FRMD4A: variants seen among roughly 807,000 people sequenced by gnomAD.
FRMD4A encodes the protein FERM domain containing 4A.
A neutral mutation model predicts 129.1 loss-of-function variants in FRMD4A; 29 were observed. That is an observed-to-expected ratio of 0.22 (90% confidence interval 0.17 to 0.31). The LOEUF (loss-of-function observed/expected upper bound fraction) is 0.31. FRMD4A is among the 10% of genes least tolerant of loss of function. The pLI is 1.00. For synonymous variants in FRMD4A, 634 were observed against 571.6 expected, an observed-to-expected ratio of 1.11 and a Z score of -1.56; for missense variants, 1,272 against 1,375.8, an observed-to-expected ratio of 0.92 and a Z score of 1.19.
intron 21 of FRMD4A, among the ~76,000 whole-genome samples, chr10:13,658,619 G>C (rs1589237523): frequency 6.6e-6 from 1 of 152,182 alleles, no homozygotes; most frequent in African/African-American, 2.4e-5. Flanking sequence ...GGTGGCTCAC[G>C]TCTCTAATCC....
chr10:13,902,554 C>G (rs1179839482), intron 2 of FRMD4A, among the ~76,000 whole-genome samples: 3 of 150,058 alleles, frequency 2.0e-5, no homozygotes, highest in African/African-American at 7.4e-5. Context: ...AAAATAGATT[C>G]CTGGGCTGGG....
chr10:13,701,556 G>C (rs2086832346), intron 13 of FRMD4A, 78 bp from the exon 14 acceptor site: 1 of 1,383,784 alleles, frequency 7.2e-7, no homozygotes, highest in Admixed American at 1.8e-5. Flanking sequence ...CTTCTGTAGA[G>C]AACCCACTGC....
chr10:14,318,537 A>T (rs1299305842), intron 2 of FRMD4A, among the ~76,000 whole-genome samples: 1 of 151,208 alleles, frequency 6.6e-6, no homozygotes, highest in African/African-American at 2.4e-5. Flanking sequence ...ACATGCACTA[A>T]GCACATGTTA....
At chr10:13,774,562 G>T (rs1011733031) in intron 6 of FRMD4A, among the ~76,000 whole-genome samples, 27 of 152,180 alleles carry the variant, frequency 1.8e-4, no homozygotes, top group African/African-American at 5.8e-4. Flanking sequence ...GAAGGGAAGG[G>T]TTTTTTCTGG....
At chr10:14,258,376 A>G (rs1419305336) in intron 2 of FRMD4A, among the ~76,000 whole-genome samples, 1 of 152,070 alleles carries the variant, frequency 6.6e-6, no homozygotes, top group Non-Finnish European at 1.5e-5. Flanking sequence ...CCCAAACAAA[A>G]AAATGAACAG....
At chr10:13,842,355 G>C (rs1564894726) in intron 3 of FRMD4A, among the ~76,000 whole-genome samples, 2 of 152,274 alleles carry the variant, frequency 1.3e-5, no homozygotes, top group East Asian at 3.9e-4. Context: ...GTCTCTGCTA[G>C]CCATTCATTC....
At chr10:13,782,827 C>T in intron 6 of FRMD4A, 95 bp downstream of exon 6, 1 of 739,206 alleles carries the variant, frequency 1.4e-6, no homozygotes, top group South Asian at 1.5e-5. Flanking sequence ...TTCTCCTAAT[C>T]AATAAAATGG....
At chr10:14,021,387 A>T (rs1270919474) in intron 2 of FRMD4A, among the ~76,000 whole-genome samples, 2 of 150,156 alleles carry the variant, frequency 1.3e-5, no homozygotes, top group African/African-American at 2.5e-5. Flanking sequence ...ACAAAAATAA[A>T]AAAAAAAAAT....
chr10:13,996,957 A>T, intron 2 of FRMD4A, among the ~76,000 whole-genome samples: 1 of 151,666 alleles, frequency 6.6e-6, no homozygotes. Flanking sequence ...CTGACCCATG[A>T]TTACATCAAG....
At chr10:14,258,584 C>T (rs555161125) in intron 2 of FRMD4A, among the ~76,000 whole-genome samples, 9 of 152,276 alleles carry the variant, frequency 5.9e-5, no homozygotes, top group African/African-American at 2.2e-4. Context: ...AACTGGAACG[C>T]TCATGCACCA....
At chr10:14,273,020 A>G (rs1845215668) in intron 2 of FRMD4A, among the ~76,000 whole-genome samples, 1 of 152,034 alleles carries the variant, frequency 6.6e-6, no homozygotes, top group South Asian at 2.1e-4. Flanking sequence ...GTTCAAGACC[A>G]GCCTGAGCAA....
At chr10:14,328,738 G>A (rs1843390912) in intron 2 of FRMD4A, among the ~76,000 whole-genome samples, 1 of 151,648 alleles carries the variant, frequency 6.6e-6, no homozygotes, top group Non-Finnish European at 1.5e-5. Flanking sequence ...CATAGATAAT[G>A]CATTTTAGTG....
At chr10:14,073,854 G>C (rs1438706824) in intron 2 of FRMD4A, among the ~76,000 whole-genome samples, 1 of 152,178 alleles carries the variant, frequency 6.6e-6, no homozygotes, top group African/African-American at 2.4e-5. Context: ...GCTCATGTCT[G>C]TAATCCCAGC....
At chr10:13,982,478 G>A (rs2095565462) in intron 2 of FRMD4A, among the ~76,000 whole-genome samples, 1 of 143,318 alleles carries the variant, frequency 7.0e-6, no homozygotes, top group African/African-American at 2.6e-5. Context: ...GGGGAGGGGA[G>A]GGGAGGGGAG....
intron 2 of FRMD4A, among the ~76,000 whole-genome samples, chr10:14,169,923 T>G (rs1841388302): frequency 6.6e-6 from 1 of 152,192 alleles, no homozygotes; most frequent in Non-Finnish European, 1.5e-5. Context: ...TAACCCTTAG[T>G]GATTTCTGGT....
chr10:14,084,588 G>A lies in FRMD4A; in HGVS notation c.46-225676C>T, dbSNP rs575389203. 2.0e-5 allele frequency among the ~76,000 whole-genome samples: 3 copies of A among 152,286 alleles called. No homozygotes were observed. The South Asian group carries it at 6.2e-4, about 32-fold the overall frequency. On this transcript the variant is annotated intron_variant, in intron 2 of 24. Transcript: ENST00000357447. ...GTTAGCTAATTCCTAGAGATCCCAA[G>A]CAACTTGCTCATAAGCACACTTTTG...
intron 2 of FRMD4A, among the ~76,000 whole-genome samples, chr10:14,291,207 C>A (rs1454679185): frequency 2.0e-5 from 3 of 152,066 alleles, no homozygotes; most frequent in Non-Finnish European, 2.9e-5. Context: ...ACAAAGAGAT[C>A]ACAAATTCAT....
At chr10:14,320,900 C>T (rs1843020158) in intron 2 of FRMD4A, among the ~76,000 whole-genome samples, 1 of 152,232 alleles carries the variant, frequency 6.6e-6, no homozygotes, top group Admixed American at 6.5e-5. Flanking sequence ...TCACCCTTGC[C>T]TGCTTCTTGC....
At chr10:14,013,902 G>A (rs958761193) in intron 2 of FRMD4A, among the ~76,000 whole-genome samples, 1 of 152,210 alleles carries the variant, frequency 6.6e-6, no homozygotes, top group Non-Finnish European at 1.5e-5. Context: ...TTGCACTCCA[G>A]CCTGGGCAAC....
Sources: allele counts gnomAD v4.1 joint callset (sites outside exome capture counted in the v4.1 genomes callset), GRCh38; gene constraint gnomAD v4.1.1; transcripts MANE v1.5; gene names NCBI Gene and HGNC (gene_info 2026-07-23, HGNC 2026-07-21).